Variants in ANTXR1 observed in about 807,000 individuals in gnomAD.
ANTXR1 encodes the protein anthrax toxin receptor 1.
Under a neutral mutation model 78.1 loss-of-function variants are expected in ANTXR1, and 19 were observed. That is an observed-to-expected ratio of 0.24 (90% CI 0.17 to 0.36). ANTXR1 has a LOEUF of 0.36. Ranked by LOEUF, ANTXR1 falls within the 10% of genes least tolerant of loss-of-function variation. The pLI, the probability that ANTXR1 is intolerant of heterozygous loss-of-function variation, is 1.00. For missense variants in ANTXR1, 518 were observed against 718.6 expected, an observed-to-expected ratio of 0.72 and a Z score of 3.19; for synonymous variants, 273 against 260.5, an observed-to-expected ratio of 1.05 and a Z score of -0.46.
At chr2:69,236,522 A>C (rs1182736009) in intron 17 of ANTXR1, among the ~76,000 whole-genome samples, 1 of 152,028 alleles carries the variant, frequency 6.6e-6, no homozygotes, top group Non-Finnish European at 1.5e-5. Context: ...AGAAATTCTC[A>C]TAAAATAGTA....
chr2:69,210,002 C>A (rs1675001303), intron 17 of ANTXR1, among the ~76,000 whole-genome samples: 1 of 152,124 alleles, frequency 6.6e-6, no homozygotes, highest in Non-Finnish European at 1.5e-5. Flanking sequence ...CAGAGTGAAG[C>A]CGGGAGATCA....
At chr2:69,182,775 G>C in intron 16 of ANTXR1, 115 bp downstream of exon 16, 1 of 1,330,652 alleles carries the variant, frequency 7.5e-7, no homozygotes, top group East Asian at 2.3e-5. Flanking sequence ...CTTATCACAG[G>C]GGAACAATTA....
intron 12 of ANTXR1, among the ~76,000 whole-genome samples, chr2:69,133,770 C>T (rs773097213): frequency 6.6e-6 from 1 of 152,146 alleles, no homozygotes; most frequent in Non-Finnish European, 1.5e-5. Flanking sequence ...CTTGAAAAAG[C>T]ATAGCCACTG....
intron 12 of ANTXR1, among the ~76,000 whole-genome samples, chr2:69,134,313 G>A (rs908194376): frequency 6.6e-5 from 10 of 152,128 alleles, no homozygotes; most frequent in African/African-American, 1.7e-4. Context: ...AAAGGGCTGC[G>A]CTGAAACACA....
intron 10 of ANTXR1, among the ~76,000 whole-genome samples, chr2:69,121,412 TAAAC>T (rs1007746842): frequency 6.6e-6 from 1 of 152,260 alleles, no homozygotes; most frequent in Non-Finnish European, 1.5e-5. Flanking sequence ...AATGAATGAA[TAAAC>T]AAATGACCTG....
chr2:69,068,764 G>A (rs1375030770), intron 3 of ANTXR1, among the ~76,000 whole-genome samples: 2 of 152,216 alleles, frequency 1.3e-5, no homozygotes, highest in African/African-American at 4.8e-5. Flanking sequence ...GAGAAAGAAT[G>A]GAAAAGGGGG....
chr2:69,183,171 A>G (rs1674321413), intron 16 of ANTXR1, among the ~76,000 whole-genome samples: 1 of 152,158 alleles, frequency 6.6e-6, no homozygotes, highest in African/African-American at 2.4e-5. Flanking sequence ...TCCTTTTGCC[A>G]TAATATAAGC....
chr2:69,115,832 G>C (rs1046536386), intron 10 of ANTXR1, among the ~76,000 whole-genome samples: 2 of 152,222 alleles, frequency 1.3e-5, no homozygotes, highest in East Asian at 3.8e-4. Context: ...AAGGTGAGTT[G>C]TGAGCGAGGG....
intron 14 of ANTXR1, chr2:69,172,301 GC>G: frequency 1.6e-5 from 22 of 1,360,832 alleles, no homozygotes; most frequent in Non-Finnish European, 2.2e-5. Flanking sequence ...TGTGCTGATT[GC>G]CTTAGCGTGT....
chr2:69,239,281 G>A (rs1313540490), intron 17 of ANTXR1, among the ~76,000 whole-genome samples: 1 of 152,172 alleles, frequency 6.6e-6, no homozygotes, highest in African/African-American at 2.4e-5. Flanking sequence ...TTCAAATTTT[G>A]ATGGAGGCCA....
chr2:69,094,303 T>C (rs546359409), intron 9 of ANTXR1, among the ~76,000 whole-genome samples: 5 of 152,354 alleles, frequency 3.3e-5, no homozygotes, highest in Admixed American at 2.0e-4. Flanking sequence ...GTTAGAATCA[T>C]GATGTTGATA....
rs1420587331 is a variant in ANTXR1 at position 69,248,294 on chromosome 2, A to C, written c.*2809A>C. ...ATGGAAGCATTTCCTATCCAGTGTG[A>C]ATAAAAAGAACAGTTGTAGTAAATT... On this transcript the variant is annotated 3_prime_UTR_variant, in exon 18 of 18. Transcript: ENST00000303714. The C allele has an allele frequency of 6.0e-6, 1 of 166,896 alleles. No homozygotes were observed. Among genetic ancestry groups the C allele is most frequent in the Non-Finnish European group, 1.5e-5 (1 of 68,136 alleles). The allele number at this position is 166,896 out of a possible 1,614,324, so 10.3% of individuals were successfully genotyped here. A position where few individuals can be genotyped will look rare whatever the true frequency, so the allele number is the denominator to read the frequency against.
intron 8 of ANTXR1, among the ~76,000 whole-genome samples, chr2:69,087,270 C>T (rs528612074): frequency 6.6e-6 from 1 of 152,314 alleles, no homozygotes; most frequent in Non-Finnish European, 1.5e-5. Context: ...AGGCACTGTG[C>T]TATGGGCTCT....
At chr2:69,045,220 A>C (rs886099170) in intron 3 of ANTXR1, among the ~76,000 whole-genome samples, 1 of 152,166 alleles carries the variant, frequency 6.6e-6, no homozygotes, top group Non-Finnish European at 1.5e-5. Flanking sequence ...TGAAATATTT[A>C]CTGTTCATAA....
intron 17 of ANTXR1, among the ~76,000 whole-genome samples, chr2:69,199,024 A>G (rs1674718141): frequency 6.6e-6 from 1 of 152,218 alleles, no homozygotes; most frequent in East Asian, 1.9e-4. Context: ...GAAGGATGCA[A>G]GTTTCAACAA....
intron 17 of ANTXR1, among the ~76,000 whole-genome samples, chr2:69,228,787 G>T (rs767337467): frequency 6.6e-6 from 1 of 152,216 alleles, no homozygotes; most frequent in South Asian, 2.1e-4. Flanking sequence ...GGAAAAAGGT[G>T]CATGTGTGAA....
chr2:69,161,805 G>T (rs936470916), intron 13 of ANTXR1, among the ~76,000 whole-genome samples: 1 of 152,070 alleles, frequency 6.6e-6, no homozygotes, highest in East Asian at 1.9e-4. Context: ...ATCTGGATTG[G>T]CATTTCTTCT....
chr2:69,206,412 T>C (rs1267666013), intron 17 of ANTXR1, among the ~76,000 whole-genome samples: 2 of 152,222 alleles, frequency 1.3e-5, no homozygotes, highest in African/African-American at 4.8e-5. Flanking sequence ...TTCTCCTTAG[T>C]GGTATAACTA....
At chr2:69,090,371 T>A (rs1336310782) in intron 8 of ANTXR1, among the ~76,000 whole-genome samples, 1 of 151,864 alleles carries the variant, frequency 6.6e-6, no homozygotes, top group Non-Finnish European at 1.5e-5. Context: ...CCTAACCCAC[T>A]CCCTTTCATT....
Sources: gnomAD v4.1 joint callset for allele counts (sites outside exome capture counted in the v4.1 genomes callset) on GRCh38, gnomAD v4.1.1 for gene constraint, MANE v1.5 for transcripts, NCBI Gene and HGNC (gene_info 2026-07-23, HGNC 2026-07-21) for gene names.